Variants in BRWD3 observed in about 807,000 individuals in gnomAD.
The protein encoded by BRWD3 is bromodomain and WD repeat-containing protein 3.
BRWD3 carries 10 observed loss-of-function variants against 149.7 expected under a neutral mutation model. The observed-to-expected ratio is 0.07, with a 90% CI of 0.04 to 0.11. The LOEUF (loss-of-function observed/expected upper bound fraction) is 0.11, where lower values mean the gene tolerates loss of function less well. Among genes scored for constraint, BRWD3 ranks in the 10% least tolerant of loss-of-function variants. The pLI, the probability that BRWD3 is intolerant of heterozygous loss-of-function variation, is 1.00. For missense variants in BRWD3, 940 were observed against 1,373.2 expected, an observed-to-expected ratio of 0.68 and a Z score of 4.99; for synonymous variants, 504 against 456.7, an observed-to-expected ratio of 1.10 and a Z score of -1.32.
intron 40 of BRWD3, among the ~76,000 whole-genome samples, chrX:80,678,374 T>C (rs2072396838): frequency 9.0e-6 from 1 of 111,552 alleles, no homozygotes; most frequent in Non-Finnish European, 1.9e-5. Context: ...GGTAGAGATA[T>C]TTTGCCAAGG....
intron 4 of BRWD3, among the ~76,000 whole-genome samples, chrX:80,797,560 GATGTTTGATTTTCAGCTAATTATATAA>G (rs2074251233): frequency 9.0e-6 from 1 of 111,594 alleles, no homozygotes; most frequent in Non-Finnish European, 1.9e-5. Flanking sequence ...TAGAAACAAT[GATGTTTGATTTTCAGCTAATTATATAA>G]AAAGTTTTAT....
intron 25 of BRWD3, among the ~76,000 whole-genome samples, chrX:80,697,915 A>T (rs917028471): frequency 3.6e-5 from 4 of 112,316 alleles, no homozygotes; most frequent in African/African-American, 9.7e-5. Flanking sequence ...ACTAATTCAC[A>T]TTCCCACCAG....
intron 24 of BRWD3, among the ~76,000 whole-genome samples, chrX:80,700,272 T>C (rs1257289547): frequency 9.4e-6 from 1 of 106,488 alleles, no homozygotes; most frequent in Non-Finnish European, 1.9e-5. Flanking sequence ...ATAAACACAG[T>C]AAACACAGTC....
intron 6 of BRWD3, among the ~76,000 whole-genome samples, chrX:80,758,027 C>T (rs912352720): frequency 9.0e-6 from 1 of 111,021 alleles, no homozygotes; most frequent in Non-Finnish European, 1.9e-5. Flanking sequence ...CGGTGAAACC[C>T]CGTCTCTACT....
intron 8 of BRWD3, among the ~76,000 whole-genome samples, chrX:80,740,606 G>A (rs2073472212): frequency 2.7e-5 from 3 of 111,529 alleles, no homozygotes; most frequent in African/African-American, 9.8e-5. Flanking sequence ...AAATATAGCC[G>A]GATGTGGTGG....
intron 6 of BRWD3, among the ~76,000 whole-genome samples, chrX:80,790,426 T>C (rs773557937): frequency 9.0e-5 from 10 of 110,744 alleles, no homozygotes; most frequent in Non-Finnish European, 1.9e-4. Context: ...AGTTACTACA[T>C]GAAAATACAT....
chrX:80,711,337 A>C (rs957623420), intron 20 of BRWD3, among the ~76,000 whole-genome samples: 3 of 111,797 alleles, frequency 2.7e-5, no homozygotes, highest in African/African-American at 9.8e-5. Flanking sequence ...CAAACGACAA[A>C]GTCTCATCAG....
intron 40 of BRWD3, among the ~76,000 whole-genome samples, chrX:80,680,719 TAATATGAAA>T (rs767958916): frequency 1.3e-4 from 15 of 111,822 alleles, no homozygotes; most frequent in Middle Eastern, 4.7e-3. Flanking sequence ...CCTTTCTTAT[TAATATGAAA>T]AATATGAAAA....
Position 80,722,522 on chromosome X carries a change from T to C in BRWD3, c.1876+40A>G, listed in dbSNP as rs376951768. 2.6e-6 allele frequency: 3 copies of C among 1,157,355 alleles called. No homozygotes were observed. In the African/African-American group the frequency reaches 5.3e-5, roughly 21 times the overall value. On this transcript the variant is annotated intron_variant, in intron 17 of 40. Coordinates refer to ENST00000373275, the MANE Select transcript of BRWD3 (RefSeq NM_153252.5). ...AGAGAACAGCAGTAATGTATAACAT[T>C]GGGCAAAATGTTTTAAATTTACTTT...
chrX:80,783,441 GGA>G (rs891877226), intron 6 of BRWD3, among the ~76,000 whole-genome samples: 1 of 108,762 alleles, frequency 9.2e-6, no homozygotes, highest in African/African-American at 3.4e-5. Flanking sequence ...GTGAGGTTTT[GGA>G]GAAAAGGGAA....
chrX:80,767,442 C>T (rs1369778784), intron 6 of BRWD3, among the ~76,000 whole-genome samples: 2 of 111,307 alleles, frequency 1.8e-5, no homozygotes, highest in Non-Finnish European at 3.8e-5. Flanking sequence ...CCAGCAAACA[C>T]CAACAGACCT....
intron 20 of BRWD3, among the ~76,000 whole-genome samples, chrX:80,712,991 G>A (rs1461232569): frequency 6.4e-5 from 7 of 109,665 alleles, no homozygotes; most frequent in Non-Finnish European, 1.3e-4. Context: ...GTCTCCGCCC[G>A]GCAGCCACCC....
At position 80,745,868 on chromosome X, in the gene BRWD3, C is replaced by T. The variant is rs1051399870; in HGVS notation, c.431-139G>A. The T allele has an allele frequency of 5.4e-6, 3 of 553,363 alleles. No individual in the cohort carries two copies. The African/African-American group carries it at 7.0e-5, about 13-fold the overall frequency. 45.6% of individuals were successfully genotyped at this position (553,363 alleles called of 1,213,427 possible). A position where few individuals can be genotyped will look rare whatever the true frequency, so the allele number is the denominator to read the frequency against. ...CCTGTGAGAAGTCTAAATTCCCTTA[C>T]ATAGTTCATGATTTTATGAACTCCA... On this transcript the variant is annotated intron_variant, in intron 6 of 40. Coordinates refer to ENST00000373275, the MANE Select transcript of BRWD3 (RefSeq NM_153252.5).
chrX:80,755,848 T>C (rs1387866973), intron 6 of BRWD3, among the ~76,000 whole-genome samples: 1 of 111,464 alleles, frequency 9.0e-6, no homozygotes, highest in Non-Finnish European at 1.9e-5. Context: ...ACAGCAAAAA[T>C]GTAAAATACA....
rs1368296451 is a variant in BRWD3 at position 80,673,204 on chromosome X, C to T, written c.*3405G>A. 9.0e-6 allele frequency: 1 copy of T among 111,023 alleles called. No homozygotes were observed. The highest frequency in any genetic ancestry group is 3.3e-5 in the African/African-American group (1 of 30,540). 9.1% of individuals were successfully genotyped at this position (111,023 alleles called of 1,213,427 possible). A position where few individuals can be genotyped will look rare whatever the true frequency, so the allele number is the denominator to read the frequency against. On this transcript the variant is annotated 3_prime_UTR_variant, in exon 41 of 41. Transcript: ENST00000373275. Reference sequence around the variant, plus strand: ...TGAGATTTCTAATTTTACTCAGTTACTTTGTTACTTTGCATCTGCGGGAAA... The same window carrying T: ...TGAGATTTCTAATTTTACTCAGTTATTTTGTTACTTTGCATCTGCGGGAAA...
intron 1 of BRWD3, 34 bp from the exon 2 acceptor site, chrX:80,809,338 A>C (rs2074384994): frequency 7.7e-6 from 9 of 1,168,383 alleles, no homozygotes; most frequent in Non-Finnish European, 1.0e-5. Context: ...GTTCAGAGGG[A>C]GGTAGAGAAG....
chrX:80,798,403 T>C (rs2074259637), intron 4 of BRWD3, among the ~76,000 whole-genome samples: 1 of 111,236 alleles, frequency 9.0e-6, no homozygotes, highest in Admixed American at 9.6e-5. Flanking sequence ...GTTTTTTTTT[T>C]ACATTTTTAA....
chrX:80,739,617 T>C (rs779335893), intron 8 of BRWD3, among the ~76,000 whole-genome samples: 75 of 111,420 alleles, frequency 6.7e-4, no homozygotes, highest in African/African-American at 2.4e-3. Flanking sequence ...ATCATAAATA[T>C]TTTTCATTAT....
chrX:80,796,255 C>T (rs147010580), intron 4 of BRWD3, among the ~76,000 whole-genome samples: 3,667 of 109,397 alleles, frequency 0.034, 78 homozygotes, highest in South Asian at 0.15. Flanking sequence ...CTCAGCCTCA[C>T]GAGTAGCTGG....
Sources: gnomAD v4.1 joint callset for allele counts (sites outside exome capture counted in the v4.1 genomes callset) on GRCh38, gnomAD v4.1.1 for gene constraint, MANE v1.5 for transcripts, NCBI Gene and HGNC (gene_info 2026-07-23, HGNC 2026-07-21) for gene names.